The following AHCTF1 variants were observed in gnomAD, a reference collection of about 807,000 sequenced individuals.
AHCTF1 encodes the protein AT-hook containing transcription factor 1.
In AHCTF1, 24 loss-of-function variants were observed where a neutral mutation model predicts 248.4. The observed-to-expected ratio is 0.10, with a 90% CI of 0.07 to 0.14. The LOEUF (loss-of-function observed/expected upper bound fraction) is 0.14. AHCTF1 is among the 10% of genes least tolerant of loss of function. The probability of loss-of-function intolerance (pLI) is 1.00; values close to 1 mark genes in which losing one functional copy is unlikely to be tolerated. For missense variants in AHCTF1, 2,206 were observed against 2,636.2 expected (o/e 0.84, Z 3.57); for synonymous variants, 786 against 929.8 (o/e 0.85, Z 2.81).
At position 246,857,808 on chromosome 1, in the gene AHCTF1, A is replaced by G; in HGVS notation, c.4139T>C (p.Leu1380Ser). The change falls in exon 30 of 36, where the codon TTA becomes TCA. Residue 1380 changes from leucine (L) to serine (S), a missense_variant. Leu to Ser is a moderately radical substitution (Grantham distance 145). Transcript: ENST00000648844. The part of the protein sequence containing the change: ...PSDLQKQMGN[L>S]EDAETKDLLV... Reference sequence around the variant, plus strand: ...GAGATCCTTTGTTTCTGCATCTTCTAAATTGCCTATAAGTCATACAAATAA... The same window carrying G: ...GAGATCCTTTGTTTCTGCATCTTCTGAATTGCCTATAAGTCATACAAATAA... 1.9e-6 allele frequency: 3 copies of G among 1,610,084 alleles called. No individual in the cohort carries two copies. The highest frequency in any genetic ancestry group is 2.5e-6 in the Non-Finnish European group (3 of 1,176,980).
chr1:246,931,152 G>A (rs1356345195), intron 1 of AHCTF1: 2 of 1,550,184 alleles, frequency 1.3e-6, no homozygotes, highest in South Asian at 2.4e-5. Context: ...AAGCGCATGT[G>A]GAACACACGC....
intron 35 of AHCTF1, among the ~76,000 whole-genome samples, chr1:246,841,556 G>A (rs1354882789): frequency 1.3e-5 from 2 of 152,182 alleles, no homozygotes; most frequent in African/African-American, 2.4e-5. Context: ...AAGATACTGT[G>A]TAACAAATAC....
intron 34 of AHCTF1, 48 bp from the exon 35 acceptor site, chr1:246,842,824 T>C: frequency 2.7e-6 from 4 of 1,502,832 alleles, no homozygotes; most frequent in Non-Finnish European, 2.8e-6. Flanking sequence ...ACGAATCCAA[T>C]TTTAAAACTT....
chr1:246,844,027 T>C, intron 33 of AHCTF1, 99 bp from the exon 34 acceptor site: 1 of 872,990 alleles, frequency 1.1e-6, no homozygotes. Flanking sequence ...TTTAGAAAGA[T>C]GCAAACGTCC....
At chr1:246,928,864 A>C (rs1356310204) in intron 1 of AHCTF1, among the ~76,000 whole-genome samples, 2 of 152,224 alleles carry the variant, frequency 1.3e-5, no homozygotes, top group Non-Finnish European at 1.5e-5. Context: ...CAGAAACTTC[A>C]AGCCTTTCAG....
chr1:246,872,003 C>A (rs1662623229), intron 24 of AHCTF1, among the ~76,000 whole-genome samples: 1 of 122,160 alleles, frequency 8.2e-6, no homozygotes. Context: ...AAGCCAAACG[C>A]AAAGGGTATT....
In AHCTF1 at chr1:246,851,324, T is replaced by A. The variant is rs1463614398; in HGVS notation, c.4682A>T (p.Asp1561Val). Reference protein sequence around the residue: ...LKLQYNFDTIDQQFCDLADNK... With the variant: ...LKLQYNFDTIVQQFCDLADNK... ...ATCAGCTAAGTCACAAAACTGTTGG[T>A]CAATAGTATCAAAATTGTACTGAAG... The change falls in exon 33 of 36, where the codon GAC (aspartate) becomes GTC (valine). Residue 1561 changes from aspartate (D) to valine (V), a missense_variant. This residue lies in a region of AHCTF1 where 955 missense variants were observed against 1,055.6 expected (regional missense o/e 0.90). Coordinates refer to ENST00000648844, the MANE Select transcript of AHCTF1 (RefSeq NM_001323342.2). 3 of 1,613,976 alleles carry A rather than the reference T, an allele frequency of 1.9e-6. No individual in the cohort carries two copies. Among genetic ancestry groups the A allele is most frequent in the Non-Finnish European group, 2.5e-6 (3 of 1,179,994 alleles).
At chr1:246,922,452 G>T (rs1310475036) in intron 1 of AHCTF1, among the ~76,000 whole-genome samples, 1 of 151,362 alleles carries the variant, frequency 6.6e-6, no homozygotes, top group Non-Finnish European at 1.5e-5. Context: ...TTTTGACAGG[G>T]TCTCACTCTG....
intron 1 of AHCTF1, among the ~76,000 whole-genome samples, chr1:246,926,810 T>C (rs938975312): frequency 2.0e-5 from 3 of 149,814 alleles, no homozygotes; most frequent in Non-Finnish European, 4.5e-5. Flanking sequence ...CAGCCGACAC[T>C]GCACCATTGC....
At chr1:246,923,862 A>C (rs1666749358) in intron 1 of AHCTF1, among the ~76,000 whole-genome samples, 1 of 152,166 alleles carries the variant, frequency 6.6e-6, no homozygotes, top group Non-Finnish European at 1.5e-5. Flanking sequence ...TGAAGGGGGA[A>C]ATAGATAACC....
chr1:246,865,833 A>T (rs1266074025), intron 26 of AHCTF1, among the ~76,000 whole-genome samples: 2 of 152,172 alleles, frequency 1.3e-5, no homozygotes, highest in Non-Finnish European at 2.9e-5. Context: ...TTCAACCCTG[A>T]GACCAAATAT....
intron 24 of AHCTF1, among the ~76,000 whole-genome samples, chr1:246,868,979 G>A (rs1201118184): frequency 1.4e-5 from 2 of 142,850 alleles, no homozygotes; most frequent in Non-Finnish European, 3.1e-5. Flanking sequence ...TGAGTAGCTG[G>A]GACTACAGGC....
chr1:246,930,849 A>C (rs1667298918), intron 1 of AHCTF1, among the ~76,000 whole-genome samples: 1 of 152,226 alleles, frequency 6.6e-6, no homozygotes, highest in African/African-American at 2.4e-5. Context: ...GACGATTTGG[A>C]AATAAAAATA....
chr1:246,848,357 G>A (rs1660439598), intron 33 of AHCTF1, among the ~76,000 whole-genome samples: 1 of 151,520 alleles, frequency 6.6e-6, no homozygotes, highest in Admixed American at 6.6e-5. Context: ...GGGACTACAG[G>A]CGCCCGCCAC....
intron 21 of AHCTF1, among the ~76,000 whole-genome samples, chr1:246,879,747 T>G (rs1663254803): frequency 6.6e-6 from 1 of 151,856 alleles, no homozygotes; most frequent in African/African-American, 2.4e-5. Flanking sequence ...AAAATCGGCT[T>G]GAACCCAGGA....
At chr1:246,880,647 A>ATTT (rs1421421459) in intron 21 of AHCTF1, among the ~76,000 whole-genome samples, 4 of 152,160 alleles carry the variant, frequency 2.6e-5, no homozygotes, top group African/African-American at 9.7e-5. Context: ...GAGTAAGATA[A>ATTT]ACTTAATTTA....
rs1354181171 is a variant in AHCTF1, at chr1:246,876,940, T to G, written c.2937+10A>C. 6.2e-7 allele frequency: 1 copy of G among 1,611,408 alleles called. No homozygotes were observed. The highest frequency in any genetic ancestry group is 1.1e-5 in the South Asian group (1 of 90,926). ...TCTTATCCCCCATAATAAGACAACT[T>G]TAATCGTACCATAACATTAATCTTC... On this transcript the variant is annotated intron_variant, in intron 23 of 35. Coordinates refer to ENST00000648844, the MANE Select transcript of AHCTF1 (RefSeq NM_001323342.2).
chr1:246,926,609 A>G (rs112539534), intron 1 of AHCTF1, among the ~76,000 whole-genome samples: 4,024 of 152,322 alleles, frequency 0.026, 183 homozygotes, highest in African/African-American at 0.093. Flanking sequence ...TCATCCCAGC[A>G]CTTCGGAAAG....
rs1335478699 is a variant in AHCTF1 at position 246,851,367 on chromosome 1, G to C, written c.4639C>G (p.Pro1547Ala). ...ARNLSFNELY[P>A]SGTLKLQYNF... ...TACTGAAGCTTAAGTGTTCCAGAGG[G>C]ATATAACTCATTAAATGAAAGATTC... The change falls in exon 33 of 36, where the codon CCC becomes GCC. Residue 1547 changes from proline to alanine, a missense_variant. Physicochemically the swap from Pro to Ala is conservative, Grantham distance 27. Around this residue, in one of 6 missense-constraint regions of AHCTF1, gnomAD observed 955 missense variants for 1,055.6 expected, o/e 0.90. Coordinates refer to ENST00000648844, the MANE Select transcript of AHCTF1 (RefSeq NM_001323342.2). 2 of 1,613,798 alleles carry C rather than the reference G, an allele frequency of 1.2e-6. No homozygotes were observed. The highest frequency in any genetic ancestry group is 2.2e-5 in the South Asian group (2 of 91,052).
Sources: allele counts gnomAD v4.1 joint callset (sites outside exome capture counted in the v4.1 genomes callset), GRCh38; gene constraint gnomAD v4.1.1; regional missense constraint gnomAD v4.1.1; transcripts MANE v1.5; gene names NCBI Gene and HGNC (gene_info 2026-07-23, HGNC 2026-07-21).